Variants in TRABD2B observed in about 807,000 individuals in gnomAD.
TRABD2B encodes metalloprotease TIKI2.
TRABD2B carries 14 observed loss-of-function variants against 40.1 expected under a neutral mutation model. The ratio of observed to expected loss-of-function variants is 0.35; its 90% CI spans 0.23 to 0.55. TRABD2B has a LOEUF of 0.55. TRABD2B is among the 20% of genes least tolerant of loss of function. The probability of loss-of-function intolerance (pLI) is 0.90; values close to 1 mark genes in which losing one functional copy is unlikely to be tolerated. For missense variants in TRABD2B, 541 were observed against 648.6 expected (o/e 0.83, Z 1.80); for synonymous variants, 263 against 277.0 (o/e 0.95, Z 0.50).
intron 2 of TRABD2B, among the ~76,000 whole-genome samples, chr1:47,917,117 C>A (rs1489416401): frequency 6.6e-6 from 1 of 152,220 alleles, no homozygotes; most frequent in Non-Finnish European, 1.5e-5. Flanking sequence ...TGGACCAAGT[C>A]CAGCACGCAA....
intron 2 of TRABD2B, among the ~76,000 whole-genome samples, chr1:47,811,439 C>T (rs1218260491): frequency 6.6e-6 from 1 of 152,208 alleles, no homozygotes; most frequent in Non-Finnish European, 1.5e-5. Context: ...AAGCCTGACT[C>T]ACCCTAGCTT....
At chr1:47,807,072 A>C (rs1644902373) in intron 2 of TRABD2B, among the ~76,000 whole-genome samples, 1 of 152,204 alleles carries the variant, frequency 6.6e-6, no homozygotes, top group African/African-American at 2.4e-5. Context: ...TACAGAGCTC[A>C]CCTGCTAGAG....
At chr1:47,970,399 C>G (rs142192076) in intron 2 of TRABD2B, among the ~76,000 whole-genome samples, 36 of 152,238 alleles carry the variant, frequency 2.4e-4, no homozygotes, top group Non-Finnish European at 4.9e-4. Flanking sequence ...ACTTTCAATG[C>G]CTCCCACTGC....
intron 2 of TRABD2B, among the ~76,000 whole-genome samples, chr1:47,933,107 A>ATT (rs35311752): frequency 7.1e-6 from 1 of 140,364 alleles, no homozygotes. Flanking sequence ...ATCTCCTGTC[A>ATT]TTTTTTTTTT....
chr1:47,926,615 C>T (rs7523244), intron 2 of TRABD2B, among the ~76,000 whole-genome samples: 146,089 of 152,194 alleles, frequency 0.96, 70,426 homozygotes, highest in Non-Finnish European at 1. Context: ...TAAGATCTGG[C>T]GGCAGGCCCT....
At chr1:47,776,119 A>G (rs917238309) in intron 5 of TRABD2B, among the ~76,000 whole-genome samples, 1 of 152,118 alleles carries the variant, frequency 6.6e-6, no homozygotes, top group African/African-American at 2.4e-5. Context: ...CACCGAGAAC[A>G]GTGTCTGGCA....
At chr1:47,863,372 T>TTATATATATATATATATATATATATATA (rs201881656) in intron 2 of TRABD2B, among the ~76,000 whole-genome samples, 3,122 of 64,670 alleles carry the variant, frequency 0.048, 420 homozygotes, top group Non-Finnish European at 0.064. Flanking sequence ...CTATATAATT[T>TTATATATATATATATATATATATATATA]TATATATATA....
chr1:47,938,796 G>T (rs1207637403), intron 2 of TRABD2B, among the ~76,000 whole-genome samples: 1 of 152,160 alleles, frequency 6.6e-6, no homozygotes, highest in Admixed American at 6.5e-5. Flanking sequence ...CCGGAGAGAA[G>T]GTCTTGGCTG....
At chr1:47,797,316 T>C (rs1460553665) in intron 3 of TRABD2B, among the ~76,000 whole-genome samples, 1 of 152,200 alleles carries the variant, frequency 6.6e-6, no homozygotes, top group Non-Finnish European at 1.5e-5. Context: ...ACAACTGGCC[T>C]GGGGATGGAG....
intron 2 of TRABD2B, among the ~76,000 whole-genome samples, 170 bp from the exon 3 acceptor site, chr1:47,801,789 C>G (rs1644827236): frequency 6.6e-6 from 1 of 152,182 alleles, no homozygotes. Context: ...CTGCTCCTGC[C>G]TCATGTCTCT....
At chr1:47,806,906 G>A (rs1644900103) in intron 2 of TRABD2B, among the ~76,000 whole-genome samples, 1 of 152,144 alleles carries the variant, frequency 6.6e-6, no homozygotes, top group Non-Finnish European at 1.5e-5. Flanking sequence ...GGACAAGCCT[G>A]GCTCTCAGCT....
intron 4 of TRABD2B, among the ~76,000 whole-genome samples, chr1:47,790,208 T>A (rs183495546): frequency 1.3e-5 from 2 of 152,218 alleles, no homozygotes; most frequent in African/African-American, 2.4e-5. Context: ...AGGACCTGCA[T>A]CTACAAGCAA....
In TRABD2B at chr1:47,971,024, G is replaced by A. The variant is rs553813765; in HGVS notation, c.666+23010C>T. Among the ~76,000 whole-genome samples, 79 of 152,318 alleles carry A rather than the reference G, an allele frequency of 5.2e-4. 1 individual carries two copies. The South Asian group carries it at 0.016, about 31-fold the overall frequency. On this transcript the variant is annotated intron_variant, in intron 2 of 6. Transcript: ENST00000606738. ...CACTGGAGGCTGGGGGAAGGAAGAG[G>A]CAGAGAGTGAATATGTTTGAACAAT...
intron 2 of TRABD2B, among the ~76,000 whole-genome samples, chr1:47,962,610 CT>C (rs1319724307): frequency 6.6e-6 from 1 of 152,180 alleles, no homozygotes; most frequent in Non-Finnish European, 1.5e-5. Flanking sequence ...GCTCTAGACA[CT>C]TTACATATGA....
intron 2 of TRABD2B, among the ~76,000 whole-genome samples, chr1:47,878,801 GAAAT>G (rs1644260181): frequency 6.6e-6 from 1 of 152,122 alleles, no homozygotes; most frequent in Non-Finnish European, 1.5e-5. Context: ...CAAGGAAAAA[GAAAT>G]AAGGTTATGG....
At chr1:47,782,240 C>G (rs190822026) in intron 4 of TRABD2B, among the ~76,000 whole-genome samples, 269 of 152,330 alleles carry the variant, frequency 1.8e-3, no homozygotes, top group African/African-American at 5.9e-3. Flanking sequence ...TAAATAGGTC[C>G]TATCTTGATT....
At position 47,995,412 on chromosome 1, in the gene TRABD2B, C is replaced by A. The variant is rs1646074489; in HGVS notation, c.103-815G>T. Reference sequence around the variant, plus strand: ...GTACATATTCTGGGTACTTTCCAGGCTCCTCCCCTAAAAATGTATACCTGA... The same window carrying A: ...GTACATATTCTGGGTACTTTCCAGGATCCTCCCCTAAAAATGTATACCTGA... On this transcript the variant is annotated intron_variant, in intron 1 of 6. Coordinates refer to ENST00000606738, the MANE Select transcript of TRABD2B (RefSeq NM_001194986.2). Among the ~76,000 whole-genome samples the A allele has an allele frequency of 2.6e-5, 4 of 152,226 alleles. No homozygotes were observed. In the South Asian group the frequency reaches 8.3e-4, roughly 32 times the overall value.
chr1:47,937,438 T>C (rs900376278), intron 2 of TRABD2B, among the ~76,000 whole-genome samples: 5 of 151,806 alleles, frequency 3.3e-5, no homozygotes, highest in Non-Finnish European at 5.9e-5. Flanking sequence ...ACCATCATCA[T>C]CACTACTATC....
chr1:47,874,035 A>C (rs1644182789), intron 2 of TRABD2B, among the ~76,000 whole-genome samples: 1 of 152,090 alleles, frequency 6.6e-6, no homozygotes, highest in Non-Finnish European at 1.5e-5. Context: ...GTCTTAGAGA[A>C]AGAAGACTAC....
Sources: gnomAD v4.1 joint callset for allele counts (sites outside exome capture counted in the v4.1 genomes callset) on GRCh38, gnomAD v4.1.1 for gene constraint, MANE v1.5 for transcripts, NCBI Gene and HGNC (gene_info 2026-07-23, HGNC 2026-07-21) for gene names.